ARHGEF25: variants seen among roughly 807,000 people sequenced by gnomAD.
ARHGEF25 encodes the protein RAC/CDC42 exchange factor.
In ARHGEF25, 42 loss-of-function variants were observed where a neutral mutation model predicts 74.0. The ratio of observed to expected loss-of-function variants is 0.57; its 90% CI spans 0.44 to 0.73. The LOEUF (loss-of-function observed/expected upper bound fraction) is 0.73, where lower values mean the gene tolerates loss of function less well. Among genes scored for constraint, ARHGEF25 ranks in the 30% least tolerant of loss-of-function variants. The pLI, the probability that ARHGEF25 is intolerant of heterozygous loss-of-function variation, is 0.00. For synonymous variants in ARHGEF25, 293 were observed against 278.6 expected, an observed-to-expected ratio of 1.05 and a Z score of -0.51; for missense variants, 645 against 725.5, an observed-to-expected ratio of 0.89 and a Z score of 1.27.
chr12:57,613,205 C>G, intron 2 of ARHGEF25, 59 bp from the exon 3 acceptor site: 1 of 1,609,766 alleles, frequency 6.2e-7, no homozygotes, highest in Non-Finnish European at 8.5e-7. Flanking sequence ...GCAGAGAGGG[C>G]AAGTTGGGGC....
intron 13 of ARHGEF25, 40 bp downstream of exon 13, chr12:57,616,057 C>T (rs1488433190): frequency 6.3e-7 from 1 of 1,585,210 alleles, no homozygotes; most frequent in Non-Finnish European, 8.6e-7. Context: ...GCTCTCTCAG[C>T]CCCTTAACCT....
At position 57,615,944 on chromosome 12, in the gene ARHGEF25, A is replaced by G. The variant is rs769138006; in HGVS notation, c.1347A>G (p.Ala449=). The G allele has an allele frequency of 6.2e-7, 1 of 1,614,202 alleles. No individual in the cohort carries two copies. Among genetic ancestry groups the G allele is most frequent in the East Asian group, 2.2e-5 (1 of 44,884 alleles). ...TCCAGCGCTATGTCCTGCAGGCTGC[A>G]GACCCTGCTATCAGTCAGGCCTGGA... ...GGIQRYVLQA[A]DPAISQAWIK... The change falls in exon 13 of 15, where the codon GCA becomes GCG. Residue 449 remains alanine, a synonymous_variant. Transcript: ENST00000286494.
Position 57,614,808 on chromosome 12 carries a change from A to G in ARHGEF25, c.909+27A>G. 6.3e-7 allele frequency: 1 copy of G among 1,590,252 alleles called. No homozygotes were observed. The highest frequency in any genetic ancestry group is 8.6e-7 in the Non-Finnish European group (1 of 1,168,724). On this transcript the variant is annotated intron_variant, in intron 9 of 14. Coordinates refer to ENST00000286494, the MANE Select transcript of ARHGEF25 (RefSeq NM_182947.4). This position sits in a 1 kb window ranked among gnomAD's most constrained non-coding sequence, Gnocchi z 4.6. ...TCAGGACCCCCTTTTTCCTGGGGGC[A>G]CAGCTGGCTGGCACAGCTGTTTCCT...
At position 57,613,142 on chromosome 12, in the gene ARHGEF25, G is replaced by A. The variant is rs1340929966; in HGVS notation, c.310G>A (p.Glu104Lys). Residue 104 changes from glutamate (E) to lysine (K), a missense_variant and splice_region_variant, in exon 2 of 15, where the codon GAG (glutamate) becomes AAG (lysine). Glu to Lys is a moderately conservative substitution (Grantham distance 56, BLOSUM62 1). Transcript: ENST00000286494. ...AGACAGTGGTCAGGCAGGACCATAT[G>A]AGGTGAGCAGGGAACGGCACCAAAG... ...EADSGQAGPY[E>K]NWMLEPALAT... 6.2e-7 allele frequency: 1 copy of A among 1,612,218 alleles called. No homozygotes were observed. The highest frequency in any genetic ancestry group is 8.5e-7 in the Non-Finnish European group (1 of 1,178,580).
At chr12:57,610,160 C>G (rs981787972), upstream of ARHGEF25, 2 of 955,350 alleles carry the variant, frequency 2.1e-6, no homozygotes, top group Non-Finnish European at 3.2e-6. Flanking sequence ...GGCCTCAAAG[C>G]CCCCCAGCTT....
rs960103064 is a variant in ARHGEF25, at chr12:57,611,674, G to T, written c.-221G>T. ...CCTCCCCGCCCAGCCCGGCGGCCGG[G>T]CCCCGCGCCTCTCTCTCTCTAGAGC... On this transcript the variant is annotated 5_prime_UTR_variant, in exon 1 of 15. Coordinates refer to ENST00000286494, the MANE Select transcript of ARHGEF25 (RefSeq NM_182947.4). The surrounding 1 kb of genome is among the most constrained non-coding windows in gnomAD (Gnocchi z 4.5). 5 of 1,127,302 alleles carry T rather than the reference G, an allele frequency of 4.4e-6. No homozygotes were observed. Among genetic ancestry groups the T allele is most frequent in the Non-Finnish European group, 5.4e-6 (5 of 921,188 alleles). The allele number at this position is 1,127,302 out of a possible 1,614,324, so 69.8% of individuals were successfully genotyped here.
intron 1 of ARHGEF25, chr12:57,612,266 T>C (rs1884087466): frequency 4.3e-6 from 1 of 230,644 alleles, no homozygotes; most frequent in Admixed American, 5.7e-5. Flanking sequence ...CTAGAACCGA[T>C]TATTTTCCTC....
intron 10 of ARHGEF25, 79 bp downstream of exon 10, chr12:57,615,096 G>A (rs1884224981): frequency 1.3e-6 from 2 of 1,592,820 alleles, no homozygotes; most frequent in Middle Eastern, 1.7e-4. Context: ...CAGCCCCTTG[G>A]GTGGTTTACA....
chr12:57,613,598 G>A (rs767398524), intron 4 of ARHGEF25, 82 bp downstream of exon 4: 5 of 1,611,682 alleles, frequency 3.1e-6, no homozygotes, highest in South Asian at 2.2e-5. Flanking sequence ...TTCCTCCAAG[G>A]TTGGCTATGA....
chr12:57,613,750 A>T lies in ARHGEF25; in HGVS notation c.542A>T (p.Gln181Leu), dbSNP rs1316851265. ...TEKMYVDDLG[Q>L]IVEGYMATMA... ...AAAATGTACGTGGACGACTTGGGGC[A>T]GATTGTGGAGGTAGCTCCCTTTACC... The change falls in exon 5 of 15, where the codon CAG becomes CTG. Residue 181 changes from glutamine (Q) to leucine (L), a missense_variant. This residue lies in a region of ARHGEF25 where 194 missense variants were observed against 269.4 expected (regional missense o/e 0.72). Transcript: ENST00000286494. 5.0e-6 allele frequency: 8 copies of T among 1,613,996 alleles called. No homozygotes were observed. Among genetic ancestry groups the T allele is most frequent in the Non-Finnish European group, 6.8e-6 (8 of 1,180,006 alleles).
chr12:57,610,159 G>GCC, upstream of ARHGEF25: 1 of 954,042 alleles, frequency 1.0e-6, no homozygotes, highest in East Asian at 2.7e-5. Context: ...AGGCCTCAAA[G>GCC]CCCCCCAGCT....
chr12:57,612,030 G>A (rs181086196), intron 1 of ARHGEF25, 39 bp downstream of exon 1: 1 of 1,269,894 alleles, frequency 7.9e-7, no homozygotes, highest in East Asian at 2.9e-5. Flanking sequence ...TTGAGTGGGG[G>A]GCGGGCTGGG....
upstream of ARHGEF25, chr12:57,610,688 A>G (rs765615148): frequency 1.9e-6 from 3 of 1,606,762 alleles, no homozygotes; most frequent in East Asian, 2.2e-5. Context: ...CAGCCCGGTA[A>G]GAAGCTGGGG....
At chr12:57,612,877 G>A (rs992359568) in intron 1 of ARHGEF25, 53 bp from the exon 2 acceptor site, 3 of 1,578,388 alleles carry the variant, frequency 1.9e-6, no homozygotes, top group Middle Eastern at 1.7e-4. Context: ...TGGGGACCCT[G>A]AGTCTGGAGC....
rs763994084 is a variant in ARHGEF25, at chr12:57,616,929, C to T, written c.*35C>T. 1.3e-5 allele frequency: 20 copies of T among 1,523,954 alleles called. No individual in the cohort carries two copies. Among genetic ancestry groups the T allele is most frequent in the Admixed American group, 3.4e-5 (2 of 59,530 alleles). 94.4% of individuals were successfully genotyped at this position (1,523,954 alleles called of 1,614,324 possible). On this transcript the variant is annotated 3_prime_UTR_variant, in exon 15 of 15. Transcript: ENST00000286494. Reference sequence around the variant, plus strand: ...ACCATGGGGGTGGTGCTGACTCAGCCGCCTATTCCCCAAGGAGCTTCAGGG... The same window carrying T: ...ACCATGGGGGTGGTGCTGACTCAGCTGCCTATTCCCCAAGGAGCTTCAGGG...
At chr12:57,611,265 G>A (rs993962059), upstream of ARHGEF25, among the ~76,000 whole-genome samples, 15 of 152,190 alleles carry the variant, frequency 9.9e-5, no homozygotes, top group East Asian at 1.2e-3. The surrounding 1 kb of genome is among the most constrained non-coding windows in gnomAD (Gnocchi z 4.5). Context: ...GGGGAGCACG[G>A]GCTGGGGAGG....
chr12:57,611,839 C>A lies in ARHGEF25; in HGVS notation c.-56C>A, dbSNP rs1375352117. 38 of 1,196,600 alleles carry A rather than the reference C, an allele frequency of 3.2e-5. No homozygotes were observed. The highest frequency in any genetic ancestry group is 6.2e-4 in the Middle Eastern group (2 of 3,238). The allele number at this position is 1,196,600 out of a possible 1,614,324, so 74.1% of individuals were successfully genotyped here. A position where few individuals can be genotyped will look rare whatever the true frequency, so the allele number is the denominator to read the frequency against. On this transcript the variant is annotated 5_prime_UTR_variant, in exon 1 of 15. Transcript: ENST00000286494. This position sits in a 1 kb window ranked among gnomAD's most constrained non-coding sequence, Gnocchi z 4.5. ...CCGGCGCCGTCCCCGCCCCGCCCCCCGTGATTCCCCCTGCATGGCCGGCCC... is the reference window on the plus strand; with the variant it reads ...CCGGCGCCGTCCCCGCCCCGCCCCCAGTGATTCCCCCTGCATGGCCGGCCC...
At chr12:57,610,260 T>C (rs767527121), upstream of ARHGEF25, 21 of 1,590,094 alleles carry the variant, frequency 1.3e-5, no homozygotes, top group Non-Finnish European at 1.7e-5. Context: ...ACTGACCGGA[T>C]ACTGGGGGTC....
Position 57,616,004 on chromosome 12 carries a change from G to A in ARHGEF25, c.1407G>A (p.Arg469=). The change falls in exon 13 of 15, where the codon CGG becomes CGA. Residue 469 remains arginine (R), a synonymous_variant. Coordinates refer to ENST00000286494, the MANE Select transcript of ARHGEF25 (RefSeq NM_182947.4). ...TGGCTCAGATCTTGGAGAGCCAACG[G>A]GACTTCCTCAACGGTGAAGCTCTCA... ...KHVAQILESQ[R]DFLNALQSPI... 1 of 1,612,200 alleles carries A rather than the reference G, an allele frequency of 6.2e-7. No homozygotes were observed. Among genetic ancestry groups the A allele is most frequent in the Non-Finnish European group, 8.5e-7 (1 of 1,178,916 alleles).
Sources: gnomAD v4.1 joint callset for allele counts (sites outside exome capture counted in the v4.1 genomes callset) on GRCh38, gnomAD v4.1.1 for gene constraint, gnomAD v4.1.1 regional missense constraint, Gnocchi (gnomAD v3.1) non-coding constraint, MANE v1.5 for transcripts, NCBI Gene and HGNC (gene_info 2026-07-23, HGNC 2026-07-21) for gene names.